Variants in MAK observed in about 807,000 individuals in gnomAD.
MAK encodes the protein serine/threonine-protein kinase MAK.
MAK carries 65 observed loss-of-function variants against 82.6 expected under a neutral mutation model. That is an observed-to-expected ratio of 0.79 (90% CI 0.64 to 0.97). The LOEUF is 0.97. MAK is among the 50% of genes least tolerant of loss of function. The pLI is 0.00. For missense variants in MAK, 703 were observed against 780.2 expected, an observed-to-expected ratio of 0.90 and a Z score of 1.18; for synonymous variants, 250 against 274.2, an observed-to-expected ratio of 0.91 and a Z score of 0.87.
At chr6:10,833,384 C>T (rs1778948624) in intron 1 of MAK, among the ~76,000 whole-genome samples, 1 of 152,152 alleles carries the variant, frequency 6.6e-6, no homozygotes, top group Non-Finnish European at 1.5e-5. Context: ...ACGGGTGGAT[C>T]ACCTGAGGTC....
chr6:10,824,195 T>A (rs548856345), intron 2 of MAK, among the ~76,000 whole-genome samples: 2 of 152,334 alleles, frequency 1.3e-5, no homozygotes, highest in Non-Finnish European at 2.9e-5. Flanking sequence ...CTGATAACCC[T>A]GCCAGTAGCC....
chr6:10,829,394 C>A (rs1640812853), intron 2 of MAK, among the ~76,000 whole-genome samples: 1 of 152,148 alleles, frequency 6.6e-6, no homozygotes, highest in Admixed American at 6.5e-5. Flanking sequence ...CCCTACTCTG[C>A]ACTCAACTTT....
At position 10,764,524 on chromosome 6, in the gene MAK, C is replaced by T. The variant is rs773894456; in HGVS notation, c.1875G>A (p.Val625=). Residue 625 remains valine, a synonymous_variant, in exon 15 of 15, where the codon GTG becomes GTA. Coordinates refer to ENST00000354489, the MANE Select transcript of MAK (RefSeq NM_001242957.3). ...CTGAGGGAATGGGCTGTGCACGGTT[C>T]ACAATATTTAGGTTTTTTGCTGTAG... The part of the protein sequence containing the change: ...YNPTAKNLNI[V]NRAQPIPSVH... The T allele has an allele frequency of 1.9e-6, 3 of 1,614,078 alleles. No homozygotes were observed. The highest frequency in any genetic ancestry group is 2.5e-6 in the Non-Finnish European group (3 of 1,179,972).
intron 2 of MAK, among the ~76,000 whole-genome samples, chr6:10,820,641 C>T (rs1010724101): frequency 9.9e-5 from 15 of 152,050 alleles, no homozygotes; most frequent in Non-Finnish European, 4.4e-5. Flanking sequence ...CTGAGATGAC[C>T]TCAAGGGCAT....
At chr6:10,833,358 G>T (rs906466169) in intron 1 of MAK, among the ~76,000 whole-genome samples, 1 of 152,096 alleles carries the variant, frequency 6.6e-6, no homozygotes, top group Non-Finnish European at 1.5e-5. Flanking sequence ...TAATCCCAAC[G>T]CTTTGGGAGG....
intron 12 of MAK, 90 bp downstream of exon 12, chr6:10,775,238 A>G: frequency 6.9e-7 from 1 of 1,456,548 alleles, no homozygotes; most frequent in South Asian, 1.1e-5. Flanking sequence ...GTGCACATGT[A>G]TCTTGGTTGG....
In MAK at chr6:10,796,081, T is replaced by C. The variant is rs767905978; in HGVS notation, c.1060A>G (p.Ser354Gly). Residue 354 changes from serine (S) to glycine (G), a missense_variant, in exon 9 of 15, where the codon AGC (serine) becomes GGC (glycine). By Grantham distance (56) the Ser-to-Gly change is moderately conservative (BLOSUM62 0). Transcript: ENST00000354489. ...TGTTGCTTTGGAGGTTGCTGGACGC[T>C]CAGGTTCTGTGGCGGCTGAATGGGC... ...LQPIQPPQNL[S>G]VQQPPKQQSQ... The C allele has an allele frequency of 1.2e-6, 2 of 1,614,164 alleles. No homozygotes were observed. The highest frequency in any genetic ancestry group is 1.6e-4 in the Middle Eastern group (1 of 6,062).
At chr6:10,770,376 T>C (rs917290321) in intron 13 of MAK, 146 bp from the exon 14 acceptor site, 5 of 894,886 alleles carry the variant, frequency 5.6e-6, no homozygotes, top group African/African-American at 1.7e-5. Flanking sequence ...GTTACAGATA[T>C]TCTTATTCCA....
chr6:10,790,135 G>A (rs1003202978), intron 10 of MAK, among the ~76,000 whole-genome samples: 17 of 152,194 alleles, frequency 1.1e-4, no homozygotes, highest in African/African-American at 3.9e-4. Flanking sequence ...ACTGAGAGGT[G>A]TGACTTTCTT....
Position 10,763,235 on chromosome 6 carries a change from G to A in MAK, c.*1217C>T, listed in dbSNP as rs1393800909. The A allele has an allele frequency of 6.6e-6, 1 of 152,630 alleles. No homozygotes were observed. Among genetic ancestry groups the A allele is most frequent in the Non-Finnish European group, 1.5e-5 (1 of 68,050 alleles). 9.5% of individuals were successfully genotyped at this position (152,630 alleles called of 1,614,324 possible). On this transcript the variant is annotated 3_prime_UTR_variant, in exon 15 of 15. Coordinates refer to ENST00000354489, the MANE Select transcript of MAK (RefSeq NM_001242957.3). ...TGTGAAGGTCAGAGCTGAGTCAGTG[G>A]TCAGCAGCATGAGCTGGCTTGGGGG...
chr6:10,766,636 C>T (rs116455307), intron 14 of MAK, among the ~76,000 whole-genome samples: 204 of 152,242 alleles, frequency 1.3e-3, no homozygotes, highest in African/African-American at 4.5e-3. Context: ...AGTGAGCTCA[C>T]CCATGTGGGC....
intron 10 of MAK, among the ~76,000 whole-genome samples, chr6:10,788,529 C>A (rs1292358085): frequency 6.6e-6 from 1 of 152,028 alleles, no homozygotes; most frequent in Non-Finnish European, 1.5e-5. Flanking sequence ...GTCAGGAGTT[C>A]AAGACTAGCC....
At position 10,774,658 on chromosome 6, in the gene MAK, A is replaced by G. The variant is rs76643009; in HGVS notation, c.1597+670T>C. Among the ~76,000 whole-genome samples the G allele has an allele frequency of 5.8e-4, 88 of 152,370 alleles. 1 individual carries two copies. The East Asian group carries it at 0.016, about 27-fold the overall frequency. The stretch of plus-strand genomic sequence containing the variant: ...TTACCTGTCAGCTAACAATTCAAGT[A>G]GGTCCTCCTTCAATTTTCTAAATGC... On this transcript the variant is annotated intron_variant, in intron 12 of 14. Transcript: ENST00000354489.
intron 2 of MAK, among the ~76,000 whole-genome samples, chr6:10,824,114 G>A (rs515396): frequency 0.047 from 7,160 of 152,188 alleles, 220 homozygotes; most frequent in Admixed American, 0.094. Context: ...TATGACTCTT[G>A]TAGATAACAA....
At chr6:10,773,152 A>C in intron 12 of MAK, 44 bp from the exon 13 acceptor site, 1 of 1,088,198 alleles carries the variant, frequency 9.2e-7, no homozygotes, top group Non-Finnish European at 1.3e-6. Flanking sequence ...AGTAAGGAGA[A>C]TGTTATAGGA....
intron 8 of MAK, among the ~76,000 whole-genome samples, chr6:10,797,068 G>A (rs969238108): frequency 2.0e-5 from 3 of 152,002 alleles, no homozygotes. Flanking sequence ...AACCAGAGCT[G>A]TATGTAAAAT....
At chr6:10,783,855 C>CT (rs1165387820) in intron 11 of MAK, among the ~76,000 whole-genome samples, 1 of 152,072 alleles carries the variant, frequency 6.6e-6, no homozygotes, top group Non-Finnish European at 1.5e-5. Flanking sequence ...ACCATCTCTA[C>CT]TAAAAATGCA....
chr6:10,830,411 G>T (rs920635076), intron 2 of MAK, 137 bp downstream of exon 2: 3 of 701,890 alleles, frequency 4.3e-6, no homozygotes, highest in East Asian at 2.8e-5. Flanking sequence ...TGATCCGCCC[G>T]CCTCGGCCTC....
Position 10,818,998 on chromosome 6 carries a change from T to G in MAK, c.102-58A>C, listed in dbSNP as rs894787297. 4 of 932,632 alleles carry G rather than the reference T, an allele frequency of 4.3e-6. No homozygotes were observed. In the African/African-American group the frequency reaches 4.8e-5, roughly 11 times the overall value. 57.8% of individuals were successfully genotyped at this position (932,632 alleles called of 1,614,324 possible). A position where few individuals can be genotyped will look rare whatever the true frequency, so the allele number is the denominator to read the frequency against. ...GGATTGAGGATTCAAAGACACACATTACACTGTTGGCTTTCTTACTCCACT... is the reference window on the plus strand; with the variant it reads ...GGATTGAGGATTCAAAGACACACATGACACTGTTGGCTTTCTTACTCCACT... On this transcript the variant is annotated intron_variant, in intron 2 of 14. Transcript: ENST00000354489.
Sources: allele counts gnomAD v4.1 joint callset (sites outside exome capture counted in the v4.1 genomes callset), GRCh38; gene constraint gnomAD v4.1.1; transcripts MANE v1.5; gene names NCBI Gene and HGNC (gene_info 2026-07-23, HGNC 2026-07-21).